Variants in SVEP1 observed in about 807,000 individuals in gnomAD.
The protein encoded by SVEP1 is sushi, von Willebrand factor type A, EGF and pentraxin domain-containing protein 1.
SVEP1 carries 164 observed loss-of-function variants against 367.3 expected under a neutral mutation model. The ratio of observed to expected loss-of-function variants is 0.45; its 90% CI spans 0.39 to 0.51. The LOEUF is 0.51. Among genes scored for constraint, SVEP1 ranks in the 20% least tolerant of loss-of-function variants. The pLI, the probability that SVEP1 is intolerant of heterozygous loss-of-function variation, is 0.00. For synonymous variants in SVEP1, 1,666 were observed against 1,611.6 expected (o/e 1.03, Z -0.81); for missense variants, 4,117 against 4,425.3 (o/e 0.93, Z 1.98).
Position 110,547,707 on chromosome 9 carries a change from C to T in SVEP1, c.788-1416G>A, listed in dbSNP as rs114009518. Reference sequence around the variant, plus strand: ...CTATTATTCTGTAACCTATGTCTATCGAGAATGGCCAGAAACATGAACAGC... The same window carrying T: ...CTATTATTCTGTAACCTATGTCTATTGAGAATGGCCAGAAACATGAACAGC... On this transcript the variant is annotated intron_variant, in intron 2 of 47. Transcript: ENST00000374469. Among the ~76,000 whole-genome samples, 903 of 152,170 alleles carry T rather than the reference C, an allele frequency of 5.9e-3. 3 individuals are homozygous for T. Among genetic ancestry groups the T allele is most frequent in the African/African-American group, 0.021 (852 of 41,512 alleles).
chr9:110,518,882 G>T (rs186372094), intron 3 of SVEP1, among the ~76,000 whole-genome samples: 55 of 152,164 alleles, frequency 3.6e-4, no homozygotes, highest in African/African-American at 1.3e-3. Context: ...TATAAATTCA[G>T]TCAAATCATT....
intron 1 of SVEP1, among the ~76,000 whole-genome samples, chr9:110,577,867 T>C (rs1483453972): frequency 6.6e-6 from 1 of 152,126 alleles, no homozygotes; most frequent in African/African-American, 2.4e-5. Context: ...AAAATGTTCA[T>C]CCTCAAAAAT....
intron 3 of SVEP1, 47 bp from the exon 4 acceptor site, chr9:110,514,153 C>A: frequency 6.3e-7 from 1 of 1,582,010 alleles, no homozygotes; most frequent in Non-Finnish European, 8.6e-7. Context: ...GGCACATCAG[C>A]TGGTAGTTAA....
intron 3 of SVEP1, among the ~76,000 whole-genome samples, chr9:110,527,986 T>G (rs1456525210): frequency 1.3e-5 from 2 of 151,450 alleles, no homozygotes; most frequent in Non-Finnish European, 2.9e-5. Context: ...GTTACTTCAC[T>G]TAGGATAATG....
intron 47 of SVEP1, among the ~76,000 whole-genome samples, chr9:110,367,909 C>T (rs1400000658): frequency 6.6e-6 from 1 of 152,092 alleles, no homozygotes; most frequent in Non-Finnish European, 1.5e-5. Flanking sequence ...AGTGAACCCT[C>T]ATCTCTACTA....
At chr9:110,439,215 C>A (rs1415305547) in intron 27 of SVEP1, among the ~76,000 whole-genome samples, 2 of 151,978 alleles carry the variant, frequency 1.3e-5, no homozygotes, top group African/African-American at 4.8e-5. Flanking sequence ...GGGACAAATG[C>A]CTGCATAAGA....
intron 3 of SVEP1, among the ~76,000 whole-genome samples, chr9:110,539,541 T>C (rs1485527281): frequency 6.6e-6 from 1 of 151,950 alleles, no homozygotes; most frequent in African/African-American, 2.4e-5. Flanking sequence ...TTTGTAAGTT[T>C]AAAATGATCA....
chr9:110,408,836 G>A lies in SVEP1; in HGVS notation c.6764C>T (p.Ser2255Phe), dbSNP rs781442503. The change falls in exon 38 of 48, where the codon TCC becomes TTC. Residue 2255 changes from serine (S) to phenylalanine (F), a missense_variant. Ser to Phe is a radical substitution (Grantham distance 155). This residue lies in a region of SVEP1 where 1,765 missense variants were observed against 1,781.1 expected (regional missense o/e 0.99). Transcript: ENST00000374469. ...GTCGAGAGGAACACACATCAGAGGG[G>A]ATTCACTGTGCCAGTGGCGATTGGC... ...CQANRHWHSE[S>F]PLMCVPLDCG... The A allele has an allele frequency of 6.2e-7, 1 of 1,613,400 alleles. No homozygotes were observed. Among genetic ancestry groups the A allele is most frequent in the Non-Finnish European group, 8.5e-7 (1 of 1,179,872 alleles).
chr9:110,458,490 C>T lies in SVEP1; in HGVS notation c.3557G>A (p.Arg1186Lys). 1 of 1,612,716 alleles carries T rather than the reference C, an allele frequency of 6.2e-7. No homozygotes were observed. The highest frequency in any genetic ancestry group is 2.2e-5 in the East Asian group (1 of 44,868). ...ACTTGCCTGACTGCTGATTTCATGC[C>T]TCTTTTTAATATGTCCAAGAGAGGC... Reference protein sequence around the residue: ...PPASLGHIKKRHEISSQVFHE... With the variant: ...PPASLGHIKKKHEISSQVFHE... Residue 1186 changes from arginine (R) to lysine (K), a missense_variant, in exon 20 of 48, where the codon AGG (arginine) becomes AAG (lysine). Around this residue, in one of 4 missense-constraint regions of SVEP1, gnomAD observed 2,174 missense variants for 2,494.3 expected, o/e 0.87. Transcript: ENST00000374469.
At chr9:110,567,457 G>T (rs908775061) in intron 1 of SVEP1, among the ~76,000 whole-genome samples, 9 of 152,142 alleles carry the variant, frequency 5.9e-5, no homozygotes, top group Admixed American at 4.6e-4. Flanking sequence ...TTCCATGAAA[G>T]AATAGGAGAA....
At position 110,392,133 on chromosome 9, in the gene SVEP1, T is replaced by TTTTATATATATATATATATATATA. The variant is rs1554710906; in HGVS notation, c.9823-2547_9823-2546insTATATATATATATATATATATAAA. On this transcript the variant is annotated intron_variant, in intron 40 of 47. Coordinates refer to ENST00000374469, the MANE Select transcript of SVEP1 (RefSeq NM_153366.4). The stretch of plus-strand genomic sequence containing the variant: ...CATTAACTTGTGACCCAATTCCTCA[T>TTTTATATATATATATATATATATA]TATATATATATATATATATATCTCT... Among the ~76,000 whole-genome samples, 428 of 99,410 alleles carry TTTTATATATATATATATATATATA rather than the reference T, an allele frequency of 4.3e-3. 21 individuals are homozygous for TTTTATATATATATATATATATATA. The highest frequency in any genetic ancestry group is 0.039 in the East Asian group (122 of 3,118). The allele number at this position is 99,410 out of a possible 152,430, so 65.2% of individuals were successfully genotyped here. A position where few individuals can be genotyped will look rare whatever the true frequency, so the allele number is the denominator to read the frequency against.
intron 38 of SVEP1, among the ~76,000 whole-genome samples, chr9:110,405,951 CA>C (rs1564132888): frequency 1.3e-5 from 2 of 152,116 alleles, no homozygotes; most frequent in Non-Finnish European, 2.9e-5. Context: ...ATATTAGAAA[CA>C]TGTCTGAAAA....
At chr9:110,432,926 G>A (rs1198135886) in intron 30 of SVEP1, among the ~76,000 whole-genome samples, 2 of 152,202 alleles carry the variant, frequency 1.3e-5, no homozygotes, top group Non-Finnish European at 2.9e-5. Context: ...GATCCCCAAT[G>A]TTGGAATTGG....
At chr9:110,384,883 G>C (rs1827497246) in intron 43 of SVEP1, among the ~76,000 whole-genome samples, 1 of 152,192 alleles carries the variant, frequency 6.6e-6, no homozygotes, top group African/African-American at 2.4e-5. Context: ...CCTTGCCTCT[G>C]GTCGGACTCA....
chr9:110,507,416 T>C (rs1268214437), intron 5 of SVEP1, among the ~76,000 whole-genome samples: 6 of 152,244 alleles, frequency 3.9e-5, no homozygotes, highest in Non-Finnish European at 7.3e-5. Context: ...CTGTTTGAAT[T>C]TATTCTACAA....
chr9:110,372,340 C>T (rs1268026188), intron 46 of SVEP1, among the ~76,000 whole-genome samples: 5 of 152,188 alleles, frequency 3.3e-5, no homozygotes, highest in Non-Finnish European at 5.9e-5. Flanking sequence ...ATCCCTTCCC[C>T]TTTCCTAGAT....
At chr9:110,366,588 TAGATTCAAA>T in intron 47 of SVEP1, 28 bp from the exon 48 acceptor site, 1 of 1,498,056 alleles carries the variant, frequency 6.7e-7, no homozygotes, top group Non-Finnish European at 8.9e-7. Flanking sequence ...AGCAACCAAA[TAGATTCAAA>T]AGAAAAAATT....
chr9:110,459,223 C>A, intron 18 of SVEP1, 110 bp from the exon 19 acceptor site: 2 of 1,019,734 alleles, frequency 2.0e-6, no homozygotes, highest in Non-Finnish European at 2.8e-6. Context: ...TCTATATAAT[C>A]TCTTCCATAT....
At chr9:110,463,663 AAG>A (rs1054170148) in intron 18 of SVEP1, among the ~76,000 whole-genome samples, 1 of 151,580 alleles carries the variant, frequency 6.6e-6, no homozygotes, top group Non-Finnish European at 1.5e-5. Context: ...TGATGAAAGA[AAG>A]AAAGGCAGGC....
Sources: gnomAD v4.1 joint callset for allele counts (sites outside exome capture counted in the v4.1 genomes callset) on GRCh38, gnomAD v4.1.1 for gene constraint, gnomAD v4.1.1 regional missense constraint, MANE v1.5 for transcripts, NCBI Gene and HGNC (gene_info 2026-07-23, HGNC 2026-07-21) for gene names.